DOCK1: variants seen among roughly 807,000 people sequenced by gnomAD.
The protein encoded by DOCK1 is dedicator of cytokinesis protein 1.
Under a neutral mutation model 262.7 loss-of-function variants are expected in DOCK1, and 138 were observed. The observed-to-expected ratio is 0.53, with a 90% CI of 0.46 to 0.61. The LOEUF (loss-of-function observed/expected upper bound fraction) is 0.61. DOCK1 is among the 20% of genes least tolerant of loss of function. DOCK1 has a pLI of 0.00. For missense variants in DOCK1, 1,908 were observed against 2,370.7 expected, an observed-to-expected ratio of 0.80 and a Z score of 4.05; for synonymous variants, 866 against 867.4, an observed-to-expected ratio of 1.00 and a Z score of 0.03.
chr10:127,168,765 G>A (rs1014473018), intron 27 of DOCK1, among the ~76,000 whole-genome samples: 1 of 152,208 alleles, frequency 6.6e-6, no homozygotes, highest in Non-Finnish European at 1.5e-5. Flanking sequence ...TGGGAAGCCA[G>A]GAAATCAGAC....
chr10:127,173,498 G>A (rs182822071), intron 27 of DOCK1, among the ~76,000 whole-genome samples: 1 of 152,218 alleles, frequency 6.6e-6, no homozygotes, highest in East Asian at 1.9e-4. Flanking sequence ...TGTGTTCGTG[G>A]GTGTTCAGCC....
chr10:127,062,281 T>G (rs562637282), intron 23 of DOCK1, among the ~76,000 whole-genome samples: 4 of 152,126 alleles, frequency 2.6e-5, no homozygotes, highest in Non-Finnish European at 5.9e-5. Context: ...ACATAAAAAC[T>G]GTACATATTT....
chr10:127,345,675 C>T (rs1005353794), intron 31 of DOCK1, among the ~76,000 whole-genome samples: 5 of 152,186 alleles, frequency 3.3e-5, no homozygotes, highest in African/African-American at 1.2e-4. Flanking sequence ...CGAAGCGGCA[C>T]GCAGCAGCTG....
intron 7 of DOCK1, 134 bp downstream of exon 7, chr10:126,997,017 A>G (rs1169733986): frequency 1.3e-5 from 14 of 1,048,444 alleles, no homozygotes; most frequent in Non-Finnish European, 1.7e-5. Context: ...TTTGTGTCCT[A>G]CAGTCATGAG....
At chr10:127,422,637 G>T (rs944018724) in intron 46 of DOCK1, among the ~76,000 whole-genome samples, 10 of 152,144 alleles carry the variant, frequency 6.6e-5, no homozygotes, top group African/African-American at 2.2e-4. Context: ...TGACTGAAAG[G>T]GACATTGTTG....
chr10:127,011,574 G>C (rs55911839), intron 11 of DOCK1, among the ~76,000 whole-genome samples: 1 of 152,096 alleles, frequency 6.6e-6, no homozygotes, highest in African/African-American at 2.4e-5. Flanking sequence ...CCAGTCTCTC[G>C]TACAGCGCAG....
At chr10:126,942,530 C>T (rs1252160120) in intron 1 of DOCK1, among the ~76,000 whole-genome samples, 9 of 152,146 alleles carry the variant, frequency 5.9e-5, no homozygotes, top group East Asian at 3.9e-4. Context: ...CGTTAGAATG[C>T]GAGAGGAATG....
rs1224167905 is a variant in DOCK1 at position 127,031,661 on chromosome 10, T to A, written c.1636T>A (p.Ser546Thr). The A allele has an allele frequency of 6.2e-7, 1 of 1,609,624 alleles. No homozygotes were observed. Among genetic ancestry groups the A allele is most frequent in the Admixed American group, 1.7e-5 (1 of 59,044 alleles). The stretch of plus-strand genomic sequence containing the variant: ...TTTTTGTTTTACAGCTAAGGATAAA[T>A]CTGAGAAAATATTTGCACTAGCATT... ...HRSSQDSKDK[S>T]EKIFALAFVK... Residue 546 changes from serine to threonine, a missense_variant, in exon 17 of 52, where the codon TCT becomes ACT. Coordinates refer to ENST00000623213, the MANE Select transcript of DOCK1 (RefSeq NM_001290223.2).
In DOCK1 at chr10:127,293,414, C is replaced by T. The variant is rs775017389; in HGVS notation, c.3044+35985C>T. Among the ~76,000 whole-genome samples the T allele has an allele frequency of 1.2e-4, 19 of 152,234 alleles. 1 individual carries two copies. The highest frequency in any genetic ancestry group is 2.6e-4 in the Non-Finnish European group (18 of 68,040). The stretch of plus-strand genomic sequence containing the variant: ...CTGTGGCTGGTGCCATGAAGGAGTG[C>T]TGCTGTCATTGGACACTGTGGGGCC... On this transcript the variant is annotated intron_variant, in intron 29 of 51. Coordinates refer to ENST00000623213, the MANE Select transcript of DOCK1 (RefSeq NM_001290223.2).
Position 127,074,013 on chromosome 10 carries a change from A to G in DOCK1, c.2445+12237A>G, listed in dbSNP as rs577549906. 2.6e-5 allele frequency among the ~76,000 whole-genome samples: 4 copies of G among 152,326 alleles called. No homozygotes were observed. The South Asian group carries it at 8.3e-4, about 32-fold the overall frequency. ...GAGCAGACTTTAAATATGTCCCAGG[A>G]AACGTTTTATTGAGAAACATGTCAA... On this transcript the variant is annotated intron_variant, in intron 23 of 51. Coordinates refer to ENST00000623213, the MANE Select transcript of DOCK1 (RefSeq NM_001290223.2).
chr10:127,381,394 A>T (rs2065816055), intron 37 of DOCK1, 26 bp downstream of exon 37: 1 of 1,589,220 alleles, frequency 6.3e-7, no homozygotes, highest in Admixed American at 1.7e-5. Flanking sequence ...AGTCACCTTG[A>T]TGATTCTATT....
intron 38 of DOCK1, among the ~76,000 whole-genome samples, chr10:127,397,899 G>T (rs1489312390): frequency 6.6e-6 from 1 of 152,160 alleles, no homozygotes; most frequent in Non-Finnish European, 1.5e-5. Context: ...ACTCCTCTAT[G>T]ACATGGGTCA....
At chr10:127,006,442 C>T (rs2041028483) in intron 10 of DOCK1, among the ~76,000 whole-genome samples, 1 of 152,230 alleles carries the variant, frequency 6.6e-6, no homozygotes, top group Non-Finnish European at 1.5e-5. Flanking sequence ...CCATCCTCTT[C>T]CCTGAATGTA....
At chr10:127,305,091 G>T (rs557793437) in intron 29 of DOCK1, among the ~76,000 whole-genome samples, 1 of 152,140 alleles carries the variant, frequency 6.6e-6, no homozygotes, top group South Asian at 2.1e-4. Flanking sequence ...AGGTTTTCCA[G>T]TTGTCTCACC....
At chr10:127,200,932 A>G (rs1185487514) in intron 27 of DOCK1, among the ~76,000 whole-genome samples, 2 of 152,196 alleles carry the variant, frequency 1.3e-5, no homozygotes, top group Admixed American at 1.3e-4. Flanking sequence ...GATGCCTCTG[A>G]CATCTGCATA....
chr10:127,216,309 T>TA (rs57559331), intron 27 of DOCK1, among the ~76,000 whole-genome samples: 1,511 of 141,324 alleles, frequency 0.011, 29 homozygotes, highest in African/African-American at 0.037. Context: ...GATAATTTAG[T>TA]AAAAAAAAAA....
At chr10:127,415,341 T>G in intron 44 of DOCK1, 103 bp downstream of exon 44, 1 of 1,125,094 alleles carries the variant, frequency 8.9e-7, no homozygotes, top group Non-Finnish European at 1.3e-6. Flanking sequence ...TGTGGCAGCG[T>G]GCACACAGCA....
chr10:126,915,027 C>T lies in DOCK1; in HGVS notation c.46+9464C>T, dbSNP rs191237905. On this transcript the variant is annotated intron_variant, in intron 1 of 51. Transcript: ENST00000623213. ...ATCCCTTCTGCTCACATTTTCTCAC[C>T]GTGACCTGAGTCTCTGGTCAGACCT... Among the ~76,000 whole-genome samples the T allele has an allele frequency of 6.0e-4, 92 of 152,200 alleles. 2 individuals are homozygous for T. Among genetic ancestry groups the T allele is most frequent in the African/African-American group, 2.2e-3 (90 of 41,520 alleles).
At chr10:127,412,519 C>T (rs1007950175) in intron 43 of DOCK1, among the ~76,000 whole-genome samples, 25 of 152,166 alleles carry the variant, frequency 1.6e-4, no homozygotes, top group African/African-American at 5.8e-4. Context: ...GGCATTAGCC[C>T]GGGGACCCCC....
Sources: gnomAD v4.1 joint callset for allele counts (sites outside exome capture counted in the v4.1 genomes callset) on GRCh38, gnomAD v4.1.1 for gene constraint, MANE v1.5 for transcripts, NCBI Gene and HGNC (gene_info 2026-07-23, HGNC 2026-07-21) for gene names.